The following TFAP2B variants were observed in gnomAD, a reference collection of about 807,000 sequenced individuals.
TFAP2B encodes the protein transcription factor AP-2-beta.
A neutral mutation model predicts 44.3 loss-of-function variants in TFAP2B; 9 were observed. The observed-to-expected ratio is 0.20, with a 90% confidence interval of 0.12 to 0.35. The LOEUF (loss-of-function observed/expected upper bound fraction) is 0.35. Ranked by LOEUF, TFAP2B falls within the 10% of genes least tolerant of loss-of-function variation. TFAP2B has a pLI of 1.00. For missense variants in TFAP2B, 509 were observed against 600.0 expected, an observed-to-expected ratio of 0.85 and a Z score of 1.59; for synonymous variants, 270 against 263.8, an observed-to-expected ratio of 1.02 and a Z score of -0.23.
chr6:50,836,180 A>C lies in TFAP2B; in HGVS notation c.721A>C (p.Ser241Arg). ...CSVPGRLSLLSSTSKYKVTVG... is the reference protein window; with the variant it reads ...CSVPGRLSLLRSTSKYKVTVG... Reference sequence around the variant, plus strand: ...CGTCCCAGGCCGTTTGTCTCTGCTCAGTTCAACTTCGAAGTACAAAGTAAC... The same window carrying C: ...CGTCCCAGGCCGTTTGTCTCTGCTCCGTTCAACTTCGAAGTACAAAGTAAC... The change falls in exon 4 of 7, where the codon AGT becomes CGT. Residue 241 changes from serine (S) to arginine (R), a missense_variant. Physicochemically the swap from Ser to Arg is moderately radical, Grantham distance 110. This residue lies in a region of TFAP2B where 45 missense variants were observed against 108.6 expected (regional missense o/e 0.41). Transcript: ENST00000393655. The C allele has an allele frequency of 1.2e-6, 2 of 1,614,068 alleles. No homozygotes were observed. Among genetic ancestry groups the C allele is most frequent in the African/African-American group, 1.3e-5 (1 of 75,064 alleles).
At position 50,843,575 on chromosome 6, in the gene TFAP2B, G is replaced by A; in HGVS notation, c.*183G>A. The A allele has an allele frequency of 1.5e-6, 1 of 662,438 alleles. No homozygotes were observed. Among genetic ancestry groups the A allele is most frequent in the Non-Finnish European group, 2.5e-6 (1 of 403,098 alleles). 41.0% of individuals were successfully genotyped at this position (662,438 alleles called of 1,614,324 possible). ...TAAAAAAAAACTGAGGCGTACAACG[G>A]AGCAACAATATCGGTTCTCAGTGTC... On this transcript the variant is annotated 3_prime_UTR_variant, in exon 7 of 7. Transcript: ENST00000393655.
At chr6:50,832,595 G>A (rs2857506) in intron 3 of TFAP2B, among the ~76,000 whole-genome samples, 21,320 of 152,150 alleles carry the variant, frequency 0.14, 1,612 homozygotes, top group African/African-American at 0.2. Flanking sequence ...CTTTGAGTCA[G>A]TGCTAAGCCT....
intron 4 of TFAP2B, among the ~76,000 whole-genome samples, chr6:50,837,628 C>T (rs1762648019): frequency 6.6e-6 from 1 of 152,184 alleles, no homozygotes; most frequent in Admixed American, 6.5e-5. Flanking sequence ...TGCCCAGTTT[C>T]TGCTCACCTC....
intron 3 of TFAP2B, among the ~76,000 whole-genome samples, chr6:50,832,569 T>A (rs1044898376): frequency 6.6e-6 from 1 of 152,204 alleles, no homozygotes; most frequent in Non-Finnish European, 1.5e-5. Context: ...AAAAGAGTGC[T>A]AACTTTTAGG....
chr6:50,843,349 C>T lies in TFAP2B; in HGVS notation c.1340C>T (p.Pro447Leu). Residue 447 changes from proline to leucine, a missense_variant, in exon 7 of 7, where the codon CCA (proline) becomes CTA (leucine). By Grantham distance (98) the Pro-to-Leu change is moderately conservative. Coordinates refer to ENST00000393655, the MANE Select transcript of TFAP2B (RefSeq NM_003221.4). ...AACAGGCACACGTCTGGGGAAGGCC[C>T]AGGTAGTAAAACTGGCGACAAGGAG... ...TTNRHTSGEG[P>L]GSKTGDKEEK... The T allele has an allele frequency of 6.2e-7, 1 of 1,613,956 alleles. No individual in the cohort carries two copies. Among genetic ancestry groups the T allele is most frequent in the Non-Finnish European group, 8.5e-7 (1 of 1,180,016 alleles).
chr6:50,833,439 C>G (rs901450414), intron 3 of TFAP2B, among the ~76,000 whole-genome samples: 16 of 152,046 alleles, frequency 1.1e-4, no homozygotes, highest in African/African-American at 3.9e-4. Flanking sequence ...AGGCTGGGAA[C>G]ACAATTGTGA....
Position 50,823,734 on chromosome 6 carries a change from C to A in TFAP2B, c.409C>A (p.Pro137Thr), listed in dbSNP as rs776108144. Residue 137 changes from proline to threonine, a missense_variant, in exon 2 of 7, where the codon CCC (proline) becomes ACC (threonine). Physicochemically the swap from Pro to Thr is conservative, Grantham distance 38 (BLOSUM62 -1). Coordinates refer to ENST00000393655, the MANE Select transcript of TFAP2B (RefSeq NM_003221.4). ...CTTGCCCCAGCTCTCGGGCCTTGAC[C>A]CCCGGAGGGACTACCACTCGGTCCG... ...AALPQLSGLD[P>T]RRDYHSVRRP... The A allele has an allele frequency of 6.2e-7, 1 of 1,611,388 alleles. No homozygotes were observed. The highest frequency in any genetic ancestry group is 2.2e-5 in the East Asian group (1 of 44,782).
chr6:50,840,083 C>T (rs1189432918), intron 5 of TFAP2B, 73 bp from the exon 6 acceptor site: 12 of 1,592,510 alleles, frequency 7.5e-6, no homozygotes, highest in Non-Finnish European at 1.0e-5. Flanking sequence ...ACAAAGCTGA[C>T]AAGGGAATGT....
intron 3 of TFAP2B, among the ~76,000 whole-genome samples, chr6:50,835,785 G>C (rs1016473803): frequency 9.9e-5 from 15 of 152,182 alleles, no homozygotes; most frequent in African/African-American, 3.6e-4. Context: ...TCCAAACTCT[G>C]GGTTGTTTGA....
At chr6:50,823,024 A>ATG (rs1460572141) in intron 1 of TFAP2B, among the ~76,000 whole-genome samples, 59 of 152,224 alleles carry the variant, frequency 3.9e-4, no homozygotes, top group African/African-American at 1.3e-3. Flanking sequence ...CAAACACCAT[A>ATG]TGTAAGACTC....
intron 1 of TFAP2B, among the ~76,000 whole-genome samples, chr6:50,820,525 G>C (rs187987302): frequency 2.4e-4 from 37 of 152,386 alleles, no homozygotes; most frequent in Admixed American, 2.1e-3. Context: ...GATTGGTCTT[G>C]TTGCTGAATG....
At chr6:50,820,620 C>A (rs551244722) in intron 1 of TFAP2B, among the ~76,000 whole-genome samples, 1 of 152,390 alleles carries the variant, frequency 6.6e-6, no homozygotes, top group East Asian at 1.9e-4. Flanking sequence ...GGGATTGTTT[C>A]GGTTCGGCCT....
At chr6:50,828,585 G>A (rs767536971) in intron 2 of TFAP2B, 34 bp from the exon 3 acceptor site, 1 of 1,580,870 alleles carries the variant, frequency 6.3e-7, no homozygotes. Flanking sequence ...TTAATATCCT[G>A]TCAATTTGAA....
intron 1 of TFAP2B, among the ~76,000 whole-genome samples, chr6:50,821,065 A>G (rs3798519): frequency 1.3e-5 from 2 of 152,162 alleles, no homozygotes; most frequent in African/African-American, 4.8e-5. Context: ...AGTCTGGACT[A>G]AGGTTGAACT....
intron 6 of TFAP2B, among the ~76,000 whole-genome samples, chr6:50,842,518 C>T (rs1762752515): frequency 6.6e-6 from 1 of 152,170 alleles, no homozygotes; most frequent in Non-Finnish European, 1.5e-5. Flanking sequence ...GAAACTAGCT[C>T]CCTCCCCCAA....
intron 1 of TFAP2B, among the ~76,000 whole-genome samples, chr6:50,823,092 C>T (rs1234266339): frequency 6.6e-6 from 1 of 152,176 alleles, no homozygotes; most frequent in African/African-American, 2.4e-5. Context: ...TCCTGTACCC[C>T]TGCCTTTTGC....
intron 1 of TFAP2B, among the ~76,000 whole-genome samples, chr6:50,819,619 C>A (rs539550372): frequency 1.3e-5 from 2 of 152,326 alleles, no homozygotes; most frequent in African/African-American, 4.8e-5. Context: ...GCATCTTTCA[C>A]GGAAATTTCT....
chr6:50,836,719 ACT>A (rs1245929556), intron 4 of TFAP2B, among the ~76,000 whole-genome samples: 3 of 151,276 alleles, frequency 2.0e-5, no homozygotes, highest in African/African-American at 7.3e-5. Context: ...CCTTCAGTGT[ACT>A]CTTTCTCTTT....
At chr6:50,826,150 G>A (rs1478093341) in intron 2 of TFAP2B, among the ~76,000 whole-genome samples, 1 of 152,204 alleles carries the variant, frequency 6.6e-6, no homozygotes, top group Admixed American at 6.5e-5. Context: ...TCTCCCTACA[G>A]CTATCGAATG....
Sources: allele counts gnomAD v4.1 joint callset (sites outside exome capture counted in the v4.1 genomes callset), GRCh38; gene constraint gnomAD v4.1.1; regional missense constraint gnomAD v4.1.1; transcripts MANE v1.5; gene names NCBI Gene and HGNC (gene_info 2026-07-23, HGNC 2026-07-21).